The following ITGA2 variants were observed in gnomAD, a reference collection of about 807,000 sequenced individuals.
ITGA2 encodes integrin subunit alpha 2.
A neutral mutation model predicts 146.3 loss-of-function variants in ITGA2; 101 were observed. The observed-to-expected ratio is 0.69, with a 90% confidence interval of 0.59 to 0.81. The LOEUF (loss-of-function observed/expected upper bound fraction) is 0.81. ITGA2 is among the 40% of genes least tolerant of loss of function. The probability of loss-of-function intolerance (pLI) is 0.00; values close to 1 mark genes in which losing one functional copy is unlikely to be tolerated. For missense variants in ITGA2, 1,281 were observed against 1,402.7 expected, an observed-to-expected ratio of 0.91 and a Z score of 1.39; for synonymous variants, 477 against 487.1, an observed-to-expected ratio of 0.98 and a Z score of 0.27.
Position 53,056,203 on chromosome 5 carries a change from T to A in ITGA2, c.1096+54T>A. 5 of 1,507,646 alleles carry A rather than the reference T, an allele frequency of 3.3e-6. No individual in the cohort carries two copies. In the South Asian group the frequency reaches 4.6e-5, roughly 14 times the overall value. The allele number at this position is 1,507,646 out of a possible 1,614,324, so 93.4% of individuals were successfully genotyped here. On this transcript the variant is annotated intron_variant, in intron 9 of 29. Coordinates refer to ENST00000296585, the MANE Select transcript of ITGA2 (RefSeq NM_002203.4). ...TTTCTTCAAAATGTTTAAATAATTGTTTATTATCACATATTTGCTTTACTA... is the reference window on the plus strand; with the variant it reads ...TTTCTTCAAAATGTTTAAATAATTGATTATTATCACATATTTGCTTTACTA...
At chr5:53,052,352 G>A (rs1744412318) in intron 7 of ITGA2, among the ~76,000 whole-genome samples, 1 of 151,924 alleles carries the variant, frequency 6.6e-6, no homozygotes, top group South Asian at 2.1e-4. Flanking sequence ...GCAGTGTTTG[G>A]TTTTCTGTTC....
intron 1 of ITGA2, among the ~76,000 whole-genome samples, chr5:52,998,347 G>A (rs183044583): frequency 4.6e-4 from 70 of 152,214 alleles, no homozygotes; most frequent in Admixed American, 1.7e-3. Flanking sequence ...CCAGCTACTC[G>A]AGAGGCTGAG....
intron 1 of ITGA2, among the ~76,000 whole-genome samples, chr5:53,000,047 G>A (rs16880627): frequency 0.093 from 14,077 of 152,006 alleles, 855 homozygotes; most frequent in East Asian, 0.21. Flanking sequence ...CTACACTCAA[G>A]GGTTTAATTT....
Position 53,070,143 on chromosome 5 carries a change from AT to A in ITGA2, c.2122del (p.Ser708HisfsTer4). ...ATAACATCACACTTGATGCAGATGG[AT>A]TTTCATCCAGAGTAACCTCCAGGGG... ...VYNITLDADG[F>X]SSRVTSRGLF... On this transcript the variant is annotated frameshift_variant, in exon 17 of 30. Coordinates refer to ENST00000296585, the MANE Select transcript of ITGA2 (RefSeq NM_002203.4). LOFTEE classifies it high-confidence loss of function. 1 of 1,611,594 alleles carries A rather than the reference AT, an allele frequency of 6.2e-7. No homozygotes were observed. Among genetic ancestry groups the A allele is most frequent in the Non-Finnish European group, 8.5e-7 (1 of 1,178,364 alleles).
chr5:53,036,641 C>G (rs1039964882), intron 2 of ITGA2, among the ~76,000 whole-genome samples: 6 of 152,298 alleles, frequency 3.9e-5, no homozygotes, highest in Non-Finnish European at 8.8e-5. Context: ...ACTCCTAACT[C>G]CAGCCTGCTT....
chr5:53,053,774 T>A (rs548848865), intron 7 of ITGA2, among the ~76,000 whole-genome samples: 6 of 152,208 alleles, frequency 3.9e-5, no homozygotes, highest in East Asian at 3.9e-4. Context: ...TCTCTCTCTG[T>A]CTGTCTCTCA....
rs754426988 is a variant in ITGA2 at position 53,065,990 on chromosome 5, GA to G, written c.1943+14del. On this transcript the variant is annotated intron_variant, in intron 15 of 29. Transcript: ENST00000296585. ...TGGTTCAACTCTGGTGAGTCAGGAA[GA>G]GCCAGACACAAACTAACTAAAAATT... 1.2e-6 allele frequency: 2 copies of G among 1,611,308 alleles called. No individual in the cohort carries two copies. The highest frequency in any genetic ancestry group is 2.7e-5 in the African/African-American group (2 of 74,742).
intron 10 of ITGA2, among the ~76,000 whole-genome samples, chr5:53,059,597 A>G (rs1007107432): frequency 2.6e-5 from 4 of 151,974 alleles, no homozygotes; most frequent in African/African-American, 4.8e-5. Context: ...GGAAATTTGA[A>G]GATGGCTCTG....
chr5:53,022,652 G>A (rs1742746419), intron 1 of ITGA2, among the ~76,000 whole-genome samples: 1 of 152,120 alleles, frequency 6.6e-6, no homozygotes, highest in Non-Finnish European at 1.5e-5. Context: ...CTGCAGCCTG[G>A]ACCTCCTGAA....
intron 23 of ITGA2, among the ~76,000 whole-genome samples, chr5:53,076,054 T>C (rs1028343727): frequency 3.3e-5 from 5 of 151,998 alleles, no homozygotes; most frequent in Non-Finnish European, 7.4e-5. Flanking sequence ...CCACAGGTTC[T>C]AATAGGTCGA....
In ITGA2 at chr5:53,048,664, T is replaced by C. The variant is rs1370145967; in HGVS notation, c.524T>C (p.Val175Ala). The change falls in exon 6 of 30, where the codon GTT (valine) becomes GCT (alanine). Residue 175 changes from valine (V) to alanine (A), a missense_variant. Val to Ala is a moderately conservative substitution (Grantham distance 64, BLOSUM62 0). Transcript: ENST00000296585. Reference protein sequence around the residue: ...ATQPCPSLIDVVVVCDESNSI... With the variant: ...ATQPCPSLIDAVVVCDESNSI... ...GTAGCCTGCCCTTCCCTCATAGATGTTGTGGTTGTGTGTGATGAATCAAAT... is the reference window on the plus strand; with the variant it reads ...GTAGCCTGCCCTTCCCTCATAGATGCTGTGGTTGTGTGTGATGAATCAAAT... The C allele has an allele frequency of 6.2e-7, 1 of 1,614,106 alleles. No homozygotes were observed. The highest frequency in any genetic ancestry group is 1.7e-5 in the Admixed American group (1 of 60,020).
chr5:53,092,095 AAC>A lies in ITGA2; in HGVS notation c.*1499_*1500del, dbSNP rs1299863193. On this transcript the variant is annotated 3_prime_UTR_variant, in exon 30 of 30. Coordinates refer to ENST00000296585, the MANE Select transcript of ITGA2 (RefSeq NM_002203.4). ...GATGCAGATGGACCACACTTTGAGA[AAC>A]ACCACCCATTTCTACTTTTTGCACC... The A allele has an allele frequency of 6.6e-6, 1 of 152,208 alleles. No homozygotes were observed. The highest frequency in any genetic ancestry group is 1.5e-5 in the Non-Finnish European group (1 of 68,062). The allele number at this position is 152,208 out of a possible 1,614,324, so 9.4% of individuals were successfully genotyped here. A position where few individuals can be genotyped will look rare whatever the true frequency, so the allele number is the denominator to read the frequency against.
intron 27 of ITGA2, among the ~76,000 whole-genome samples, chr5:53,084,025 C>G (rs1217219587): frequency 6.6e-6 from 1 of 152,154 alleles, no homozygotes; most frequent in African/African-American, 2.4e-5. Flanking sequence ...ATCTCAATCC[C>G]CATGAAAGTT....
At chr5:53,010,335 C>T (rs544189213) in intron 1 of ITGA2, among the ~76,000 whole-genome samples, 1 of 152,262 alleles carries the variant, frequency 6.6e-6, no homozygotes, top group South Asian at 2.1e-4. Flanking sequence ...AACAGAGGCT[C>T]GAACAACAGA....
Position 53,058,096 on chromosome 5 carries a change from C to T in ITGA2, c.1168C>T (p.Gln390Ter). ...QVGFSADYSS[Q>*]NDILMLGAVG... Reference sequence around the variant, plus strand: ...GGGATTCAGTGCAGATTACTCTTCTCAAAATGTGCGTATATCAGATAGCTT... The same window carrying T: ...GGGATTCAGTGCAGATTACTCTTCTTAAAATGTGCGTATATCAGATAGCTT... The change falls in exon 10 of 30, where the codon CAA becomes TAA. Residue 390 changes from glutamine (Q) to a stop codon, truncating the protein, a stop_gained. Coordinates refer to ENST00000296585, the MANE Select transcript of ITGA2 (RefSeq NM_002203.4). LOFTEE classifies it high-confidence loss of function. The T allele has an allele frequency of 6.2e-7, 1 of 1,608,250 alleles. No individual in the cohort carries two copies. The highest frequency in any genetic ancestry group is 8.5e-7 in the Non-Finnish European group (1 of 1,175,330).
chr5:53,082,183 C>T (rs1005622280), intron 26 of ITGA2, among the ~76,000 whole-genome samples: 2 of 152,192 alleles, frequency 1.3e-5, no homozygotes, highest in South Asian at 2.1e-4. Context: ...TGTTCTCAAG[C>T]TATGCCTGCT....
rs752477486 is a variant in ITGA2, at chr5:53,026,785, C to T, written c.102C>T (p.Leu34=). 1.2e-6 allele frequency: 2 copies of T among 1,612,936 alleles called. No homozygotes were observed. The highest frequency in any genetic ancestry group is 2.2e-5 in the South Asian group (2 of 91,056). The change falls in exon 2 of 30, where the codon CTC becomes CTT. Residue 34 remains leucine, a synonymous_variant. Transcript: ENST00000296585. ...GTTGTTTGGCCTACAATGTTGGTCTCCCAGAAGCAAAAATATTTTCCGGTC... is the reference window on the plus strand; with the variant it reads ...GTTGTTTGGCCTACAATGTTGGTCTTCCAGAAGCAAAAATATTTTCCGGTC... ...LNCCLAYNVG[L]PEAKIFSGPS... is the part of the protein sequence containing the mutation.
intron 27 of ITGA2, among the ~76,000 whole-genome samples, chr5:53,085,607 T>G (rs1746120553): frequency 6.6e-6 from 1 of 152,228 alleles, no homozygotes; most frequent in Admixed American, 6.5e-5. Flanking sequence ...GGTTAATTTC[T>G]GATCCAATCA....
chr5:53,086,388 C>G (rs12521915), intron 27 of ITGA2, among the ~76,000 whole-genome samples: 53,542 of 151,974 alleles, frequency 0.35, 9,544 homozygotes, highest in Admixed American at 0.42. Context: ...ATATAACAAG[C>G]TGAAAGGTTC....
Sources: gnomAD v4.1 joint callset for allele counts (sites outside exome capture counted in the v4.1 genomes callset) on GRCh38, gnomAD v4.1.1 for gene constraint, MANE v1.5 for transcripts, NCBI Gene and HGNC (gene_info 2026-07-23, HGNC 2026-07-21) for gene names.